Variants in STIM1 observed in about 807,000 individuals in gnomAD.
The protein encoded by STIM1 is stromal interaction molecule 1.
Under a neutral mutation model 74.7 loss-of-function variants are expected in STIM1, and 25 were observed. The observed-to-expected ratio is 0.33, with a 90% CI of 0.24 to 0.47. The LOEUF (loss-of-function observed/expected upper bound fraction) is 0.47, where lower values mean the gene tolerates loss of function less well. Ranked by LOEUF, STIM1 falls within the 20% of genes least tolerant of loss-of-function variation. STIM1 has a pLI of 1.00. For missense variants in STIM1, 728 were observed against 920.8 expected, an observed-to-expected ratio of 0.79 and a Z score of 2.71; for synonymous variants, 328 against 348.8, an observed-to-expected ratio of 0.94 and a Z score of 0.66.
chr11:4,040,898 A>G (rs1452254927), intron 3 of STIM1, among the ~76,000 whole-genome samples: 1 of 152,238 alleles, frequency 6.6e-6, no homozygotes, highest in Non-Finnish European at 1.5e-5. Context: ...CTATCACATG[A>G]GGCCTAGGCC....
intron 6 of STIM1, among the ~76,000 whole-genome samples, chr11:4,072,685 G>C (rs1181599579): frequency 1.3e-5 from 2 of 152,206 alleles, no homozygotes; most frequent in Non-Finnish European, 2.9e-5. Context: ...ATAAAGGACA[G>C]ACATATCATA....
chr11:4,059,375 G>C lies in STIM1; in HGVS notation c.592G>C (p.Val198Leu). ...QKLQLKALDT[V>L]LFGPPLLTRH... ...GCTGCAGCTGAAGGCTCTGGATACA[G>C]TGCTCTTTGGGCCTCCTCTCTGTGA... Residue 198 changes from valine to leucine, a missense_variant, in exon 5 of 13, where the codon GTG becomes CTG. Coordinates refer to ENST00000526596, the MANE Select transcript of STIM1 (RefSeq NM_001382567.1). 6.2e-7 allele frequency: 1 copy of C among 1,614,116 alleles called. No individual in the cohort carries two copies. Among genetic ancestry groups the C allele is most frequent in the Non-Finnish European group, 8.5e-7 (1 of 1,179,996 alleles).
chr11:4,013,342 C>T (rs1189180860), intron 2 of STIM1, among the ~76,000 whole-genome samples: 2 of 152,072 alleles, frequency 1.3e-5, no homozygotes, highest in African/African-American at 4.8e-5. Flanking sequence ...GGCTGTGAAT[C>T]CATCTGGTCC....
In STIM1 at chr11:3,895,687, T is replaced by TTCC. The variant is rs1565104966; in HGVS notation, c.139+39279_139+39280insCCT. 4.1e-4 allele frequency among the ~76,000 whole-genome samples: 11 copies of TTCC among 26,944 alleles called. 1 individual carries two copies. The highest frequency in any genetic ancestry group is 4.0e-3 in the East Asian group (3 of 756). 17.7% of individuals were successfully genotyped at this position (26,944 alleles called of 152,430 possible). A position where few individuals can be genotyped will look rare whatever the true frequency, so the allele number is the denominator to read the frequency against. ...CTTTCTTTCTTTCCTTCCTTCCTTCTTTCTTTCTTTCTTTCTTTCTTTCTT... is the reference window on the plus strand; with the variant it reads ...CTTTCTTTCTTTCCTTCCTTCCTTCTTCCTTCTTTCTTTCTTTCTTTCTTTCTT... On this transcript the variant is annotated intron_variant, in intron 1 of 12. Coordinates refer to ENST00000526596, the MANE Select transcript of STIM1 (RefSeq NM_001382567.1).
intron 1 of STIM1, among the ~76,000 whole-genome samples, chr11:3,902,016 C>T (rs546543002): frequency 1.3e-5 from 2 of 152,316 alleles, no homozygotes; most frequent in South Asian, 2.1e-4. Flanking sequence ...AATCTTCCTG[C>T]CTTGGTCCCC....
At chr11:4,013,118 C>T (rs1036532237) in intron 2 of STIM1, among the ~76,000 whole-genome samples, 9 of 152,276 alleles carry the variant, frequency 5.9e-5, no homozygotes, top group East Asian at 1.9e-4. Flanking sequence ...CTGCTGTATT[C>T]GGTGTGCCAG....
chr11:3,896,883 A>T (rs1286161145), intron 1 of STIM1, among the ~76,000 whole-genome samples: 1 of 152,216 alleles, frequency 6.6e-6, no homozygotes, highest in Non-Finnish European at 1.5e-5. Context: ...CATGGAAATT[A>T]TTATAAAATC....
chr11:3,900,678 C>A (rs2092325172), intron 1 of STIM1, among the ~76,000 whole-genome samples: 1 of 152,218 alleles, frequency 6.6e-6, no homozygotes, highest in African/African-American at 2.4e-5. Context: ...CTTCTGGGCA[C>A]AAATGATCCT....
chr11:3,864,630 G>A (rs2090780255), intron 1 of STIM1, among the ~76,000 whole-genome samples: 1 of 152,170 alleles, frequency 6.6e-6, no homozygotes, highest in Non-Finnish European at 1.5e-5. Context: ...GGAATTGATA[G>A]GCCATCACTT....
At chr11:3,941,673 T>TATAGAGAGAG (rs141623520) in intron 1 of STIM1, among the ~76,000 whole-genome samples, 6,790 of 90,260 alleles carry the variant, frequency 0.075, 270 homozygotes, top group Non-Finnish European at 0.11. Flanking sequence ...TATATATATA[T>TATAGAGAGAG]AGAGAGAGAG....
At chr11:3,941,122 G>A (rs1488935284) in intron 1 of STIM1, among the ~76,000 whole-genome samples, 6 of 152,142 alleles carry the variant, frequency 3.9e-5, no homozygotes, top group African/African-American at 1.4e-4. Flanking sequence ...TGACACATGT[G>A]AGGTGCTATA....
chr11:3,943,401 C>T (rs2093034010), intron 1 of STIM1, among the ~76,000 whole-genome samples: 1 of 152,186 alleles, frequency 6.6e-6, no homozygotes, highest in South Asian at 2.1e-4. Flanking sequence ...CCTGGTTTGG[C>T]TGGTAACTTG....
At chr11:4,046,615 A>T (rs2094195720) in intron 3 of STIM1, among the ~76,000 whole-genome samples, 1 of 151,992 alleles carries the variant, frequency 6.6e-6, no homozygotes, top group African/African-American at 2.4e-5. Context: ...TTTGCATCAC[A>T]TCCTGGGCTG....
chr11:3,969,292 C>G (rs2093368833), intron 2 of STIM1, among the ~76,000 whole-genome samples: 1 of 151,792 alleles, frequency 6.6e-6, no homozygotes, highest in African/African-American at 2.4e-5. Flanking sequence ...TGAGACTAGC[C>G]TGGACAACAC....
At chr11:3,969,140 C>T (rs1403586179) in intron 2 of STIM1, among the ~76,000 whole-genome samples, 1 of 152,164 alleles carries the variant, frequency 6.6e-6, no homozygotes, top group Non-Finnish European at 1.5e-5. Context: ...GAAGAGGCTT[C>T]CTTGGTAGAC....
intron 1 of STIM1, among the ~76,000 whole-genome samples, chr11:3,895,743 TCTTCCTTCCTTCCTTCCTTC>T (rs1162065358): frequency 6.7e-4 from 23 of 34,524 alleles, no homozygotes; most frequent in African/African-American, 1.1e-3. Context: ...TCTTTTTCTT[TCTTCCTTCCTTCCTTCCTTC>T]CTTCCTTCCT....
At chr11:3,872,399 G>C (rs1250071530) in intron 1 of STIM1, among the ~76,000 whole-genome samples, 1 of 152,160 alleles carries the variant, frequency 6.6e-6, no homozygotes, top group Non-Finnish European at 1.5e-5. Flanking sequence ...GGCTACACTG[G>C]CATTACACCA....
intron 2 of STIM1, among the ~76,000 whole-genome samples, chr11:4,022,531 G>A (rs2093965489): frequency 6.6e-6 from 1 of 151,980 alleles, no homozygotes; most frequent in African/African-American, 2.4e-5. Flanking sequence ...GTGAACGAAG[G>A]CATCCTTGTC....
At position 3,989,427 on chromosome 11, in the gene STIM1, G is replaced by A. The variant is rs571679316; in HGVS notation, c.270+21745G>A. 4.1e-6 allele frequency: 3 copies of A among 728,434 alleles called. No individual in the cohort carries two copies. The African/African-American group carries it at 5.2e-5, about 13-fold the overall frequency. 45.1% of individuals were successfully genotyped at this position (728,434 alleles called of 1,614,324 possible). On this transcript the variant is annotated intron_variant, in intron 2 of 12. Coordinates refer to ENST00000526596, the MANE Select transcript of STIM1 (RefSeq NM_001382567.1). ...ATCTCCTCTTGGGCTCTTCCTTGGC[G>A]GCCCCTTCCGCGGAGCTGACCTTGC...
Sources: gnomAD v4.1 joint callset for allele counts (sites outside exome capture counted in the v4.1 genomes callset) on GRCh38, gnomAD v4.1.1 for gene constraint, MANE v1.5 for transcripts, NCBI Gene and HGNC (gene_info 2026-07-23, HGNC 2026-07-21) for gene names.